BRINP3: variants seen among roughly 807,000 people sequenced by gnomAD.
BRINP3 encodes BMP/retinoic acid-inducible neural-specific protein 3.
BRINP3 carries 19 observed loss-of-function variants against 71.0 expected under a neutral mutation model. The observed-to-expected ratio is 0.27, with a 90% CI of 0.19 to 0.39. The LOEUF (loss-of-function observed/expected upper bound fraction) is 0.39. BRINP3 is among the 10% of genes least tolerant of loss of function. The pLI, the probability that BRINP3 is intolerant of heterozygous loss-of-function variation, is 1.00. For synonymous variants in BRINP3, 380 were observed against 337.7 expected, an observed-to-expected ratio of 1.13 and a Z score of -1.37; for missense variants, 959 against 940.8, an observed-to-expected ratio of 1.02 and a Z score of -0.25.
chr1:190,164,800 C>G (rs1268281843), intron 6 of BRINP3, among the ~76,000 whole-genome samples: 1 of 151,434 alleles, frequency 6.6e-6, no homozygotes. Context: ...CCATATTGTA[C>G]AGGCTCAAGC....
At chr1:190,361,788 C>G (rs2102126913) in intron 2 of BRINP3, among the ~76,000 whole-genome samples, 1 of 152,254 alleles carries the variant, frequency 6.6e-6, no homozygotes, top group African/African-American at 2.4e-5. Context: ...TACAAGGCGG[C>G]TACATGCAAA....
At chr1:190,139,858 C>T (rs1392008045) in intron 7 of BRINP3, among the ~76,000 whole-genome samples, 5 of 152,176 alleles carry the variant, frequency 3.3e-5, no homozygotes, top group African/African-American at 1.2e-4. Flanking sequence ...TTTGGATACT[C>T]ATTATGTTAA....
intron 6 of BRINP3, among the ~76,000 whole-genome samples, chr1:190,174,443 T>C (rs1384334363): frequency 2.6e-5 from 4 of 152,124 alleles, no homozygotes; most frequent in African/African-American, 9.7e-5. Flanking sequence ...TGTACACACA[T>C]ACACACATGT....
chr1:190,148,000 C>T (rs1361036272), intron 7 of BRINP3, among the ~76,000 whole-genome samples: 1 of 152,116 alleles, frequency 6.6e-6, no homozygotes, highest in South Asian at 2.1e-4. Flanking sequence ...TTCCTTTGTG[C>T]CCATACACAC....
chr1:190,400,174 C>T (rs1196904704), intron 2 of BRINP3, among the ~76,000 whole-genome samples: 3 of 152,032 alleles, frequency 2.0e-5, no homozygotes, highest in Admixed American at 2.0e-4. Context: ...GAACGTTTTG[C>T]GTATCTGAAT....
intron 6 of BRINP3, among the ~76,000 whole-genome samples, chr1:190,201,835 T>C (rs1655034405): frequency 6.6e-6 from 1 of 152,204 alleles, no homozygotes; most frequent in Non-Finnish European, 1.5e-5. Context: ...AACCTCTGCC[T>C]AGATTTCAGA....
At chr1:190,145,680 C>T (rs765586873) in intron 7 of BRINP3, among the ~76,000 whole-genome samples, 4 of 152,226 alleles carry the variant, frequency 2.6e-5, no homozygotes, top group Admixed American at 6.5e-5. Flanking sequence ...TGGGTATCTA[C>T]CCAAAGGAAA....
chr1:190,247,222 C>G (rs980401694), intron 4 of BRINP3, among the ~76,000 whole-genome samples: 6 of 151,734 alleles, frequency 4.0e-5, no homozygotes, highest in Middle Eastern at 6.8e-3. Flanking sequence ...AGCTGTGTAA[C>G]TAGAAGTATG....
chr1:190,219,445 G>A (rs1656682626), intron 6 of BRINP3, among the ~76,000 whole-genome samples: 1 of 152,102 alleles, frequency 6.6e-6, no homozygotes, highest in South Asian at 2.1e-4. Flanking sequence ...ATGGAATAGA[G>A]AAATACATTT....
chr1:190,165,656 T>G (rs1009547900), intron 6 of BRINP3, among the ~76,000 whole-genome samples: 1 of 148,776 alleles, frequency 6.7e-6, no homozygotes, highest in Non-Finnish European at 1.5e-5. Context: ...TTTCCTGGAA[T>G]ATGAGTTCCT....
At position 190,449,565 on chromosome 1, in the gene BRINP3, A is replaced by G. The variant is rs556425388; in HGVS notation, c.236+5090T>C. Among the ~76,000 whole-genome samples, 4 of 150,142 alleles carry G rather than the reference A, an allele frequency of 2.7e-5. No homozygotes were observed. The East Asian group carries it at 7.7e-4, about 29-fold the overall frequency. ...AAGCTACTGTTGTATTATAGCATGT[A>G]TATATATATATGTACATAATATGTA... On this transcript the variant is annotated intron_variant, in intron 2 of 7. Transcript: ENST00000367462.
At chr1:190,301,166 CATATATATACAT>C (rs1156237076) in intron 2 of BRINP3, among the ~76,000 whole-genome samples, 29 of 38,054 alleles carry the variant, frequency 7.6e-4, no homozygotes, top group African/African-American at 2.0e-3. Flanking sequence ...TATATATATA[CATATATATACAT>C]ATATATATGT....
chr1:190,240,579 C>G (rs1295587444), intron 4 of BRINP3, among the ~76,000 whole-genome samples: 1 of 151,774 alleles, frequency 6.6e-6, no homozygotes, highest in Non-Finnish European at 1.5e-5. Context: ...TATTAAAACT[C>G]TCAAGTGGGG....
At chr1:190,232,573 AGATGGAG>A (rs1198993015) in intron 5 of BRINP3, among the ~76,000 whole-genome samples, 1 of 151,694 alleles carries the variant, frequency 6.6e-6, no homozygotes, top group African/African-American at 2.4e-5. Flanking sequence ...AAAGTGAAAG[AGATGGAG>A]GTTTCTGAGT....
chr1:190,307,398 A>G (rs375729165), intron 2 of BRINP3, among the ~76,000 whole-genome samples: 3 of 149,944 alleles, frequency 2.0e-5, no homozygotes, highest in African/African-American at 4.9e-5. Context: ...CCTCTCAAAT[A>G]GCTGGAATTA....
intron 2 of BRINP3, among the ~76,000 whole-genome samples, chr1:190,339,407 C>G (rs3860305): frequency 0.13 from 19,743 of 151,964 alleles, 1,663 homozygotes; most frequent in South Asian, 0.26. Flanking sequence ...AGTATCTGTA[C>G]AAGCTGCACT....
At chr1:190,133,536 G>C (rs530720123) in intron 7 of BRINP3, among the ~76,000 whole-genome samples, 1 of 152,112 alleles carries the variant, frequency 6.6e-6, no homozygotes, top group South Asian at 2.1e-4. Context: ...AAAAAAGTAT[G>C]ATGGATGAAA....
intron 4 of BRINP3, among the ~76,000 whole-genome samples, chr1:190,253,508 T>C (rs1396513312): frequency 2.0e-5 from 3 of 152,134 alleles, no homozygotes; most frequent in Admixed American, 2.0e-4. Context: ...TTTTCATTTG[T>C]GTTTCTCTGA....
intron 4 of BRINP3, among the ~76,000 whole-genome samples, chr1:190,244,046 T>A (rs1659353778): frequency 6.6e-6 from 1 of 151,960 alleles, no homozygotes; most frequent in African/African-American, 2.4e-5. Flanking sequence ...CACATTACAG[T>A]GAATTGTATA....
Sources: gnomAD v4.1 joint callset for allele counts (sites outside exome capture counted in the v4.1 genomes callset) on GRCh38, gnomAD v4.1.1 for gene constraint, MANE v1.5 for transcripts, NCBI Gene and HGNC (gene_info 2026-07-23, HGNC 2026-07-21) for gene names.